The following SHLD1 variants were observed in gnomAD, a reference collection of about 807,000 sequenced individuals.
SHLD1 encodes the protein shieldin complex subunit 1, also known as RINN1-REV7-interacting novel NHEJ regulator 3.
Under a neutral mutation model 5.5 loss-of-function variants are expected in SHLD1, and 3 were observed. The observed-to-expected ratio is 0.54, with a 90% CI of 0.25 to 1.40. SHLD1 has a LOEUF of 1.40. Among genes scored for constraint, SHLD1 ranks in the 40% most tolerant of loss-of-function variants. SHLD1 has a pLI of 0.15. For missense variants in SHLD1, 210 were observed against 244.4 expected (o/e 0.86, Z 0.94); for synonymous variants, 92 against 94.3 (o/e 0.98, Z 0.14).
At chr20:5,769,909 C>T (rs1985053275) in intron 1 of SHLD1, among the ~76,000 whole-genome samples, 1 of 146,318 alleles carries the variant, frequency 6.8e-6, no homozygotes, top group African/African-American at 2.5e-5. Context: ...GAGGCTGAGG[C>T]AGGAGAATCG....
chr20:5,809,888 T>A (rs1600144373), intron 2 of SHLD1, among the ~76,000 whole-genome samples: 1 of 152,216 alleles, frequency 6.6e-6, no homozygotes, highest in Admixed American at 6.5e-5. Context: ...TACACAGTGA[T>A]GTCACATACT....
At chr20:5,800,703 G>C (rs1169209753) in intron 2 of SHLD1, among the ~76,000 whole-genome samples, 1 of 144,688 alleles carries the variant, frequency 6.9e-6, no homozygotes, top group African/African-American at 2.6e-5. Flanking sequence ...AAAAAAAAAA[G>C]AATTTATGTA....
chr20:5,854,893 G>A (rs1056301422), intron 2 of SHLD1, among the ~76,000 whole-genome samples: 1 of 69,792 alleles, frequency 1.4e-5, no homozygotes, highest in Admixed American at 1.4e-4. Flanking sequence ...TTAAGAGACA[G>A]GTCTTGTGCA....
chr20:5,802,795 C>T (rs141571930), intron 2 of SHLD1, among the ~76,000 whole-genome samples: 22 of 152,118 alleles, frequency 1.4e-4, no homozygotes, highest in Non-Finnish European at 2.6e-4. Flanking sequence ...TACACATGTG[C>T]GCCACGTTGC....
At chr20:5,826,353 A>G (rs1311602437) in intron 2 of SHLD1, among the ~76,000 whole-genome samples, 1 of 152,130 alleles carries the variant, frequency 6.6e-6, no homozygotes, top group Non-Finnish European at 1.5e-5. Flanking sequence ...CATAGTTATT[A>G]TAGCAGAGCT....
intron 1 of SHLD1, among the ~76,000 whole-genome samples, chr20:5,752,265 G>T (rs55833437): frequency 6.6e-6 from 1 of 151,996 alleles, no homozygotes; most frequent in African/African-American, 2.4e-5. Flanking sequence ...GCACGGTGGC[G>T]TGCGCCTGTA....
At chr20:5,816,089 G>GAAAAA (rs141881349) in intron 2 of SHLD1, among the ~76,000 whole-genome samples, 403 of 85,944 alleles carry the variant, frequency 4.7e-3, no homozygotes, top group Non-Finnish European at 6.5e-3. Context: ...TCAAAAAAAC[G>GAAAAA]AAAAAAAAAA....
intron 2 of SHLD1, among the ~76,000 whole-genome samples, chr20:5,793,874 A>AT (rs1019153270): frequency 6.6e-6 from 1 of 151,822 alleles, no homozygotes; most frequent in Non-Finnish European, 1.5e-5. Flanking sequence ...TGCCTGGCTA[A>AT]TTTTTTTGTA....
chr20:5,816,130 ACTGG>A (rs1252177741), intron 2 of SHLD1, among the ~76,000 whole-genome samples: 1 of 151,864 alleles, frequency 6.6e-6, no homozygotes, highest in Non-Finnish European at 1.5e-5. Flanking sequence ...AATGGCATAA[ACTGG>A]TAGAATACAC....
intron 2 of SHLD1, among the ~76,000 whole-genome samples, chr20:5,811,169 C>T (rs2087453832): frequency 6.6e-6 from 1 of 152,112 alleles, no homozygotes; most frequent in East Asian, 1.9e-4. Flanking sequence ...TTATTCTCTC[C>T]AAATTACGTA....
intron 1 of SHLD1, among the ~76,000 whole-genome samples, chr20:5,766,942 A>T (rs1026009967): frequency 1.3e-5 from 2 of 151,864 alleles, no homozygotes; most frequent in African/African-American, 2.4e-5. Context: ...TGTTTTTGAG[A>T]TCTTTGAAGT....
At chr20:5,755,047 C>A (rs1320049532) in intron 1 of SHLD1, among the ~76,000 whole-genome samples, 1 of 139,972 alleles carries the variant, frequency 7.1e-6, no homozygotes, top group Non-Finnish European at 1.5e-5. Flanking sequence ...CAGAGCGAGA[C>A]CCTGTCTCAA....
intron 2 of SHLD1, among the ~76,000 whole-genome samples, chr20:5,849,960 C>T (rs1484304435): frequency 1.2e-4 from 13 of 112,192 alleles, no homozygotes; most frequent in East Asian, 8.5e-4. Context: ...AGCGAGACTC[C>T]GTCTCAAAAA....
intron 1 of SHLD1, among the ~76,000 whole-genome samples, chr20:5,761,950 G>T (rs930981120): frequency 1.3e-5 from 2 of 151,692 alleles, no homozygotes; most frequent in African/African-American, 4.8e-5. Context: ...TCTCTAGAAG[G>T]TAAGTATTTT....
At chr20:5,756,556 T>A (rs1398257386) in intron 1 of SHLD1, among the ~76,000 whole-genome samples, 2 of 152,152 alleles carry the variant, frequency 1.3e-5, no homozygotes. Context: ...TTGTGATCAT[T>A]TATTGCTAGC....
rs1375484942 is a variant in SHLD1, at chr20:5,848,539, C to T, written c.179-14485C>T. On this transcript the variant is annotated intron_variant, in intron 2 of 2. Transcript: ENST00000303142. ...AAACCACAACTACTTTTGCACCAAC[C>T]TATAATATCTGTGAAGAAACAGTCA... Among the ~76,000 whole-genome samples, 3 of 152,180 alleles carry T rather than the reference C, an allele frequency of 2.0e-5. No individual in the cohort carries two copies. In the East Asian group the frequency reaches 5.8e-4, roughly 29 times the overall value.
intron 2 of SHLD1, among the ~76,000 whole-genome samples, chr20:5,826,165 G>A (rs1002528171): frequency 3.3e-5 from 5 of 152,138 alleles, no homozygotes; most frequent in Admixed American, 2.0e-4. Flanking sequence ...TCTTTTGTTG[G>A]TCTGATCAAG....
rs767735643 is a variant in SHLD1, at chr20:5,803,827, G to A, written c.178+30784G>A. Among the ~76,000 whole-genome samples, 9 of 151,068 alleles carry A rather than the reference G, an allele frequency of 6.0e-5. No homozygotes were observed. The South Asian group carries it at 1.0e-3, about 18-fold the overall frequency. ...GTGGAGGTTGCAGTGAACCGAGATC[G>A]CGCCACTGCACTCCAGCCTGATGAC... On this transcript the variant is annotated intron_variant, in intron 2 of 2. Coordinates refer to ENST00000303142, the MANE Select transcript of SHLD1 (RefSeq NM_152504.4).
intron 2 of SHLD1, among the ~76,000 whole-genome samples, chr20:5,814,654 C>CTTTTTTTTTTTTTTTT (rs148119460): frequency 1.9e-5 from 2 of 103,810 alleles, no homozygotes; most frequent in African/African-American, 3.8e-5. Flanking sequence ...TTTTCTTCTT[C>CTTTTTTTTTTTTTTTT]TTTTTTTTTT....
Sources: allele counts gnomAD v4.1 joint callset (sites outside exome capture counted in the v4.1 genomes callset), GRCh38; gene constraint gnomAD v4.1.1; transcripts MANE v1.5; gene names NCBI Gene and HGNC (gene_info 2026-07-23, HGNC 2026-07-21).